The following HVCN1 variants were observed in gnomAD, a reference collection of about 807,000 sequenced individuals.
HVCN1 encodes voltage-gated hydrogen channel 1.
A neutral mutation model predicts 29.2 loss-of-function variants in HVCN1; 14 were observed. The observed-to-expected ratio is 0.48, with a 90% CI of 0.32 to 0.75. The LOEUF (loss-of-function observed/expected upper bound fraction) is 0.75, where lower values mean the gene tolerates loss of function less well. Among genes scored for constraint, HVCN1 ranks in the 30% least tolerant of loss-of-function variants. The probability of loss-of-function intolerance (pLI) is 0.04; values close to 1 mark genes in which losing one functional copy is unlikely to be tolerated. For missense variants in HVCN1, 263 were observed against 341.8 expected (o/e 0.77, Z 1.82); for synonymous variants, 131 against 133.2 (o/e 0.98, Z 0.11).
intron 5 of HVCN1, among the ~76,000 whole-genome samples, chr12:110,654,726 C>T (rs183403140): frequency 2.6e-4 from 39 of 152,238 alleles, no homozygotes; most frequent in Middle Eastern, 3.4e-3. Flanking sequence ...GTGATCCACC[C>T]GCCTTGTCCT....
chr12:110,659,183 A>G (rs1026671323), intron 4 of HVCN1, among the ~76,000 whole-genome samples: 11 of 149,602 alleles, frequency 7.4e-5, no homozygotes, highest in South Asian at 4.2e-4. Flanking sequence ...GAGAGTGGGG[A>G]AAAAAAAAGA....
In HVCN1 at chr12:110,648,781, CA is replaced by C. The variant is rs2067598192; in HGVS notation, c.*628del. ...GAGGAAAGAATACAGTAGGAGGGTCCAGGGAAAAGAGAGAGTTTATTTTATA... is the reference window on the plus strand; with the variant it reads ...GAGGAAAGAATACAGTAGGAGGGTCCGGGAAAAGAGAGAGTTTATTTTATA... On this transcript the variant is annotated 3_prime_UTR_variant, in exon 8 of 8. Coordinates refer to ENST00000242607, the MANE Select transcript of HVCN1 (RefSeq NM_032369.4). 1 of 302,104 alleles carries C rather than the reference CA, an allele frequency of 3.3e-6. No homozygotes were observed. Among genetic ancestry groups the C allele is most frequent in the Admixed American group, 5.3e-5 (1 of 18,842 alleles). The allele number at this position is 302,104 out of a possible 1,614,324, so 18.7% of individuals were successfully genotyped here. A position where few individuals can be genotyped will look rare whatever the true frequency, so the allele number is the denominator to read the frequency against.
intron 2 of HVCN1, among the ~76,000 whole-genome samples, chr12:110,683,815 G>A (rs2069078027): frequency 6.6e-6 from 1 of 151,284 alleles, no homozygotes; most frequent in African/African-American, 2.4e-5. Context: ...GGAGGCTGAG[G>A]CAGGAGAATC....
chr12:110,675,263 A>G (rs112814556), intron 3 of HVCN1, among the ~76,000 whole-genome samples: 11 of 152,330 alleles, frequency 7.2e-5, no homozygotes, highest in African/African-American at 2.6e-4. Flanking sequence ...GTTCAAGACC[A>G]GCCTCACCAA....
Position 110,655,311 on chromosome 12 carries a change from C to T in HVCN1, c.334G>A (p.Asp112Asn). 1 of 1,613,838 alleles carries T rather than the reference C, an allele frequency of 6.2e-7. No homozygotes were observed. The highest frequency in any genetic ancestry group is 1.1e-5 in the South Asian group (1 of 91,062). ...AGCTCAGCAAGCACCAGGAGGGCAT[C>T]CAGAACCACCAAGCAGATGATGATG... is the stretch of plus-strand genomic sequence containing the variant. ...QVIIICLVVL[D>N]ALLVLAELIL... The change falls in exon 5 of 8, where the codon GAT becomes AAT. Residue 112 changes from aspartate to asparagine, a missense_variant. Coordinates refer to ENST00000242607, the MANE Select transcript of HVCN1 (RefSeq NM_032369.4).
intron 3 of HVCN1, among the ~76,000 whole-genome samples, chr12:110,681,735 G>A (rs1055814911): frequency 6.6e-6 from 1 of 151,998 alleles, no homozygotes; most frequent in African/African-American, 2.4e-5. Context: ...ACTCACCCCT[G>A]CTGCTGCCCT....
Position 110,661,351 on chromosome 12 carries a change from A to G in HVCN1, c.119T>C (p.Ile40Thr). 1 of 1,614,018 alleles carries G rather than the reference A, an allele frequency of 6.2e-7. No homozygotes were observed. The highest frequency in any genetic ancestry group is 8.5e-7 in the Non-Finnish European group (1 of 1,179,994). ...TTCATTCTCCCATTTCTTGTAGTTG[A>G]TGTTCCAGGCATGGTAGTCGTCTCC... Reference protein sequence around the residue: ...VVGDDYHAWNINYKKWENEEE... With the variant: ...VVGDDYHAWNTNYKKWENEEE... Residue 40 changes from isoleucine (I) to threonine (T), a missense_variant, in exon 4 of 8, where the codon ATC (isoleucine) becomes ACC (threonine). This residue lies in a region of HVCN1 where 157 missense variants were observed against 181.3 expected (regional missense o/e 0.87). Transcript: ENST00000242607. The surrounding 1 kb of genome is among the most constrained non-coding windows in gnomAD (Gnocchi z 6.2).
chr12:110,704,616 C>T (rs1462657376), intron 1 of HVCN1, among the ~76,000 whole-genome samples: 4 of 152,132 alleles, frequency 2.6e-5, no homozygotes, highest in Non-Finnish European at 5.9e-5. Context: ...TATGATTGTG[C>T]CACTGCACTA....
At chr12:110,662,681 G>C (rs1054114773) in intron 3 of HVCN1, among the ~76,000 whole-genome samples, 40 of 152,130 alleles carry the variant, frequency 2.6e-4, no homozygotes, top group African/African-American at 9.2e-4. Context: ...CTCCAGCCTG[G>C]GCAACAGGTT....
At position 110,661,390 on chromosome 12, in the gene HVCN1, T is replaced by C. The variant is rs1276577831; in HGVS notation, c.80A>G (p.His27Arg). Residue 27 changes from histidine (H) to arginine (R), a missense_variant, in exon 4 of 8, where the codon CAC becomes CGC. His to Arg is a conservative substitution (Grantham distance 29). Transcript: ENST00000242607. This position sits in a 1 kb window ranked among gnomAD's most constrained non-coding sequence, Gnocchi z 6.2. ...GTAGTCGTCTCCCACGACCGTGAAG[T>C]GCCTTAAGAACTTGCTCATCCTCTC... ...PAERMSKFLR[H>R]FTVVGDDYHA... 2 of 1,614,084 alleles carry C rather than the reference T, an allele frequency of 1.2e-6. No homozygotes were observed. Among genetic ancestry groups the C allele is most frequent in the African/African-American group, 2.7e-5 (2 of 74,922 alleles).
In HVCN1 at chr12:110,655,253, T is replaced by G; in HGVS notation, c.392A>C (p.Lys131Thr). The change falls in exon 5 of 8, where the codon AAG becomes ACG. Residue 131 changes from lysine to threonine, a missense_variant. Coordinates refer to ENST00000242607, the MANE Select transcript of HVCN1 (RefSeq NM_032369.4). ...CCCTACCATGGCAGCATAGTTATTC[T>G]TGTCGGGCTGGATGATCTTCAGGTC... ...ILDLKIIQPD[K>T]NNYAAMVFHY... is the part of the protein sequence containing the mutation. 1 of 1,613,628 alleles carries G rather than the reference T, an allele frequency of 6.2e-7. No individual in the cohort carries two copies. Among genetic ancestry groups the G allele is most frequent in the Non-Finnish European group, 8.5e-7 (1 of 1,179,742 alleles).
intron 2 of HVCN1, among the ~76,000 whole-genome samples, chr12:110,702,026 A>C (rs557126402): frequency 3.8e-4 from 56 of 145,558 alleles, no homozygotes; most frequent in African/African-American, 1.2e-3. Flanking sequence ...GCTCACTGCA[A>C]CCTCGCCTCC....
Position 110,648,877 on chromosome 12 carries a change from C to G in HVCN1, c.*533G>C, listed in dbSNP as rs947724879. The G allele has an allele frequency of 1.0e-5, 4 of 383,286 alleles. 1 individual carries two copies. The highest frequency in any genetic ancestry group is 1.8e-3 in the Middle Eastern group (2 of 1,104). 23.7% of individuals were successfully genotyped at this position (383,286 alleles called of 1,614,324 possible). On this transcript the variant is annotated 3_prime_UTR_variant, in exon 8 of 8. Transcript: ENST00000242607. Reference sequence around the variant, plus strand: ...AAAAATGTTGTCAGGTGGCAGAAAACAATGGAGCCACCTAGAAGCTGGCTG... The same window carrying G: ...AAAAATGTTGTCAGGTGGCAGAAAAGAATGGAGCCACCTAGAAGCTGGCTG...
chr12:110,655,129 T>C, intron 5 of HVCN1, 105 bp downstream of exon 5: 1 of 763,922 alleles, frequency 1.3e-6, no homozygotes, highest in South Asian at 1.5e-5. Flanking sequence ...CCACAGACCT[T>C]GCTACTCCAA....
intron 2 of HVCN1, among the ~76,000 whole-genome samples, chr12:110,699,098 A>T (rs945832580): frequency 1.6e-4 from 25 of 152,374 alleles, no homozygotes; most frequent in Non-Finnish European, 3.1e-4. Context: ...ACTGCACTCC[A>T]GCCTGAGCAA....
intron 2 of HVCN1, among the ~76,000 whole-genome samples, chr12:110,696,454 C>T (rs2069492958): frequency 6.6e-6 from 1 of 151,970 alleles, no homozygotes; most frequent in Admixed American, 6.6e-5. Context: ...GTGGCATGCA[C>T]CTGGAATCCC....
chr12:110,699,240 T>G (rs933864510), intron 2 of HVCN1, among the ~76,000 whole-genome samples: 21 of 152,220 alleles, frequency 1.4e-4, no homozygotes, highest in African/African-American at 4.3e-4. Context: ...AGGGCACATT[T>G]CGTGTTCTCG....
At chr12:110,696,129 T>TG (rs1024306886) in intron 2 of HVCN1, among the ~76,000 whole-genome samples, 1 of 151,714 alleles carries the variant, frequency 6.6e-6, no homozygotes, top group Non-Finnish European at 1.5e-5. Flanking sequence ...ATTTTTTTTT[T>TG]TTTCAGTTGA....
chr12:110,670,013 G>C (rs1566046540), intron 3 of HVCN1, among the ~76,000 whole-genome samples: 1 of 152,114 alleles, frequency 6.6e-6, no homozygotes, highest in Non-Finnish European at 1.5e-5. Context: ...GACAGAGCGA[G>C]ACTCCATCTC....
Sources: gnomAD v4.1 joint callset for allele counts (sites outside exome capture counted in the v4.1 genomes callset) on GRCh38, gnomAD v4.1.1 for gene constraint, gnomAD v4.1.1 regional missense constraint, Gnocchi (gnomAD v3.1) non-coding constraint, MANE v1.5 for transcripts, NCBI Gene and HGNC (gene_info 2026-07-23, HGNC 2026-07-21) for gene names.